Variants in AP3B1 observed in about 807,000 individuals in gnomAD.
The protein encoded by AP3B1 is AP-3 complex subunit beta-1.
AP3B1 carries 61 observed loss-of-function variants against 132.5 expected under a neutral mutation model. That is an observed-to-expected ratio of 0.46 (90% confidence interval 0.37 to 0.57). AP3B1 has a LOEUF of 0.57. Among genes scored for constraint, AP3B1 ranks in the 20% least tolerant of loss-of-function variants. The pLI, the probability that AP3B1 is intolerant of heterozygous loss-of-function variation, is 0.00. For missense variants in AP3B1, 1,120 were observed against 1,289.4 expected, an observed-to-expected ratio of 0.87 and a Z score of 2.01; for synonymous variants, 388 against 438.3, an observed-to-expected ratio of 0.89 and a Z score of 1.43.
intron 15 of AP3B1, among the ~76,000 whole-genome samples, chr5:78,139,651 T>C (rs1753060993): frequency 6.6e-6 from 1 of 152,068 alleles, no homozygotes; most frequent in Non-Finnish European, 1.5e-5. Context: ...CCAAAGCATA[T>C]AGAAATGAAT....
intron 17 of AP3B1, among the ~76,000 whole-genome samples, chr5:78,122,289 G>A (rs1471103133): frequency 3.9e-5 from 6 of 152,198 alleles, no homozygotes; most frequent in Non-Finnish European, 4.4e-5. Flanking sequence ...ACTGGCACAA[G>A]ACAGGGATGC....
chr5:78,243,463 G>C (rs990438738), intron 2 of AP3B1, among the ~76,000 whole-genome samples: 1 of 152,164 alleles, frequency 6.6e-6, no homozygotes, highest in African/African-American at 2.4e-5. Context: ...TTTCTAGCAG[G>C]GACCATCCTA....
chr5:78,053,976 A>G (rs1394300095), intron 22 of AP3B1, among the ~76,000 whole-genome samples: 4 of 152,224 alleles, frequency 2.6e-5, no homozygotes, highest in Non-Finnish European at 5.9e-5. Context: ...TACATAGCAC[A>G]TGTTTTACTA....
At chr5:78,037,810 C>A (rs1475239986) in intron 23 of AP3B1, among the ~76,000 whole-genome samples, 1 of 152,126 alleles carries the variant, frequency 6.6e-6, no homozygotes, top group African/African-American at 2.4e-5. Context: ...ATGACATAAA[C>A]CTTTTATTAC....
intron 8 of AP3B1, among the ~76,000 whole-genome samples, chr5:78,178,927 A>T (rs917089692): frequency 3.3e-5 from 5 of 152,206 alleles, no homozygotes; most frequent in African/African-American, 1.2e-4. Flanking sequence ...AACCGTTTTT[A>T]AAAATACAGT....
chr5:78,283,337 G>A (rs569443477), intron 1 of AP3B1, among the ~76,000 whole-genome samples: 5 of 152,162 alleles, frequency 3.3e-5, no homozygotes, highest in African/African-American at 9.6e-5. Context: ...ACCATTTATC[G>A]GCTGTCTTCC....
intron 24 of AP3B1, among the ~76,000 whole-genome samples, chr5:78,027,969 T>C (rs958363585): frequency 5.3e-5 from 8 of 151,662 alleles, no homozygotes; most frequent in Non-Finnish European, 1.2e-4. Flanking sequence ...CCACTAAATA[T>C]ACAAAAATTA....
At chr5:78,178,149 T>G (rs1423223728) in intron 8 of AP3B1, among the ~76,000 whole-genome samples, 2 of 152,188 alleles carry the variant, frequency 1.3e-5, no homozygotes, top group African/African-American at 4.8e-5. Context: ...AGCATGCCTT[T>G]CTAAATGAAG....
chr5:78,017,296 T>C (rs575608606), intron 25 of AP3B1, among the ~76,000 whole-genome samples: 2 of 152,236 alleles, frequency 1.3e-5, no homozygotes, highest in African/African-American at 4.8e-5. Flanking sequence ...ACATTCAATC[T>C]GCCTTCCCAC....
chr5:78,137,698 T>C (rs1752976716), intron 15 of AP3B1, among the ~76,000 whole-genome samples: 1 of 152,212 alleles, frequency 6.6e-6, no homozygotes, highest in Non-Finnish European at 1.5e-5. Context: ...AGTTTACAGC[T>C]GTTTTCTATG....
At chr5:78,197,097 T>G (rs1378934745) in intron 7 of AP3B1, among the ~76,000 whole-genome samples, 1 of 152,206 alleles carries the variant, frequency 6.6e-6, no homozygotes, top group Non-Finnish European at 1.5e-5. Flanking sequence ...GTTTTGCATG[T>G]GTGGAGGTAG....
At chr5:78,015,869 T>C in intron 25 of AP3B1, 1 of 277,112 alleles carries the variant, frequency 3.6e-6, no homozygotes, top group Non-Finnish European at 6.9e-6. Flanking sequence ...CAATCTGGGG[T>C]TTATGTAAAC....
chr5:78,035,633 A>C (rs1737597053), intron 23 of AP3B1, among the ~76,000 whole-genome samples: 1 of 152,092 alleles, frequency 6.6e-6, no homozygotes, highest in South Asian at 2.1e-4. Flanking sequence ...CTGATTTTAA[A>C]ATGCTATTTG....
At position 78,181,566 on chromosome 5, in the gene AP3B1, G is replaced by T. The variant is rs570476100; in HGVS notation, c.883C>A (p.Pro295Thr). Reference protein sequence around the residue: ...DKKKKPYTMDPDHRLLIRNTK... With the variant: ...DKKKKPYTMDTDHRLLIRNTK... ...TTTCTAATTAAGAGTCTATGATCTG[G>T]ATCCATAGTATACGGCTTCTTCTTT... The change falls in exon 8 of 27, where the codon CCA (proline) becomes ACA (threonine). Residue 295 changes from proline (P) to threonine (T), a missense_variant. Physicochemically the swap from Pro to Thr is conservative, Grantham distance 38 (BLOSUM62 -1). Coordinates refer to ENST00000255194, the MANE Select transcript of AP3B1 (RefSeq NM_003664.5). The T allele has an allele frequency of 1.2e-5, 20 of 1,612,930 alleles. No individual in the cohort carries two copies. Among genetic ancestry groups the T allele is most frequent in the Non-Finnish European group, 1.6e-5 (19 of 1,179,320 alleles).
At chr5:78,013,017 T>G (rs931629804) in intron 26 of AP3B1, among the ~76,000 whole-genome samples, 8 of 152,162 alleles carry the variant, frequency 5.3e-5, no homozygotes, top group Non-Finnish European at 1.2e-4. Flanking sequence ...TTTCATTTTA[T>G]GTGGCTTTGT....
At chr5:78,284,248 C>A (rs1749177660) in intron 1 of AP3B1, among the ~76,000 whole-genome samples, 1 of 152,160 alleles carries the variant, frequency 6.6e-6, no homozygotes, top group Admixed American at 6.5e-5. Flanking sequence ...AACATTACAG[C>A]TCTAAACCTA....
chr5:78,173,355 G>A (rs1638793255), intron 11 of AP3B1, among the ~76,000 whole-genome samples: 1 of 151,984 alleles, frequency 6.6e-6, no homozygotes, highest in African/African-American at 2.4e-5. Context: ...TTGACAGTGG[G>A]GTGTTAAAGT....
intron 2 of AP3B1, among the ~76,000 whole-genome samples, chr5:78,244,639 T>C (rs1005338698): frequency 6.6e-6 from 1 of 151,894 alleles, no homozygotes. Context: ...AGGGATGAGA[T>C]CACTACAGGA....
intron 6 of AP3B1, among the ~76,000 whole-genome samples, chr5:78,218,110 A>T (rs1408669285): frequency 6.6e-6 from 1 of 152,124 alleles, no homozygotes; most frequent in Non-Finnish European, 1.5e-5. Context: ...TAAAGAGAGT[A>T]CTTTTACAAA....
Sources: gnomAD v4.1 joint callset for allele counts (sites outside exome capture counted in the v4.1 genomes callset) on GRCh38, gnomAD v4.1.1 for gene constraint, MANE v1.5 for transcripts, NCBI Gene and HGNC (gene_info 2026-07-23, HGNC 2026-07-21) for gene names.